HRH1: variants seen among roughly 807,000 people sequenced by gnomAD.
The protein encoded by HRH1 is histamine receptor H1.
HRH1 carries 6 observed loss-of-function variants against 10.3 expected under a neutral mutation model. The observed-to-expected ratio is 0.58, with a 90% CI of 0.32 to 1.15. HRH1 has a LOEUF of 1.15. Ranked by LOEUF, HRH1 falls within the 50% of genes most tolerant of loss-of-function variation. The pLI, the probability that HRH1 is intolerant of heterozygous loss-of-function variation, is 0.05. For synonymous variants in HRH1, 242 were observed against 236.7 expected, an observed-to-expected ratio of 1.02 and a Z score of -0.21; for missense variants, 514 against 615.3, an observed-to-expected ratio of 0.84 and a Z score of 1.74.
At chr3:11,238,087 C>A (rs1020480230) in intron 1 of HRH1, among the ~76,000 whole-genome samples, 2 of 151,670 alleles carry the variant, frequency 1.3e-5, no homozygotes, top group East Asian at 1.9e-4. Context: ...GTGATAATAT[C>A]CTTCAGTTTC....
At chr3:11,168,223 A>T (rs59992806) in intron 1 of HRH1, among the ~76,000 whole-genome samples, 42,587 of 152,024 alleles carry the variant, frequency 0.28, 8,225 homozygotes, top group African/African-American at 0.55. Context: ...CTAGAGTGGC[A>T]GGGCACAGTG....
intron 1 of HRH1, among the ~76,000 whole-genome samples, chr3:11,156,357 G>A (rs761927392): frequency 5.9e-5 from 9 of 152,124 alleles, no homozygotes; most frequent in Non-Finnish European, 1.3e-4. Flanking sequence ...GAGTGGTTTG[G>A]CCAATGCTGG....
At chr3:11,180,680 A>C (rs2125016727) in intron 1 of HRH1, among the ~76,000 whole-genome samples, 1 of 152,222 alleles carries the variant, frequency 6.6e-6, no homozygotes, top group Admixed American at 6.5e-5. Flanking sequence ...TGTTGTGGAC[A>C]TTTCATACAA....
At chr3:11,234,490 A>C (rs1939121268) in intron 1 of HRH1, 1 of 1,508,548 alleles carries the variant, frequency 6.6e-7, no homozygotes, top group Non-Finnish European at 9.2e-7. Context: ...ACTGTTCCCC[A>C]CAGGGGCCGC....
intron 1 of HRH1, among the ~76,000 whole-genome samples, chr3:11,250,034 CTTTTTT>C (rs71055856): frequency 1.6e-3 from 95 of 60,798 alleles, no homozygotes; most frequent in African/African-American, 5.5e-3. Flanking sequence ...AAGCTTTTCT[CTTTTTT>C]TTTTTTTTTT....
intron 1 of HRH1, among the ~76,000 whole-genome samples, chr3:11,163,016 T>C (rs1936955379): frequency 6.6e-6 from 1 of 152,174 alleles, no homozygotes; most frequent in South Asian, 2.1e-4. Flanking sequence ...TGGAGCATGC[T>C]TAGGGGGAAT....
At chr3:11,220,201 C>T (rs774129120) in intron 1 of HRH1, among the ~76,000 whole-genome samples, 4 of 152,122 alleles carry the variant, frequency 2.6e-5, no homozygotes, top group East Asian at 3.9e-4. Flanking sequence ...CCTAACACCA[C>T]GCCTGGCCTG....
chr3:11,217,793 G>A (rs1938564000), intron 1 of HRH1, among the ~76,000 whole-genome samples: 2 of 152,280 alleles, frequency 1.3e-5, no homozygotes, highest in Non-Finnish European at 1.5e-5. Flanking sequence ...AAGTATAACA[G>A]CTGCTAAGAT....
chr3:11,206,620 C>T (rs1003062420), intron 1 of HRH1, among the ~76,000 whole-genome samples: 3 of 152,250 alleles, frequency 2.0e-5, no homozygotes, highest in Non-Finnish European at 4.4e-5. Context: ...TAATTTCATC[C>T]TTACAGCAAT....
chr3:11,253,887 C>A (rs1939715432), intron 1 of HRH1, among the ~76,000 whole-genome samples: 1 of 152,074 alleles, frequency 6.6e-6, no homozygotes. Flanking sequence ...TCTGCCACTC[C>A]ATAAGGGTCA....
intron 1 of HRH1, among the ~76,000 whole-genome samples, chr3:11,255,487 C>T (rs552872512): frequency 1.3e-3 from 198 of 152,248 alleles, no homozygotes; most frequent in African/African-American, 4.5e-3. Context: ...GCCTTATGAA[C>T]CCCGAAAATC....
chr3:11,251,686 T>C (rs2152586528), intron 1 of HRH1, among the ~76,000 whole-genome samples: 1 of 152,358 alleles, frequency 6.6e-6, no homozygotes, highest in East Asian at 1.9e-4. Flanking sequence ...GCAGCAGGGT[T>C]AAGTGAATCA....
At chr3:11,144,479 A>AGACATACGTCTATAGGTGTCTATACC (rs1936382814) in intron 1 of HRH1, among the ~76,000 whole-genome samples, 1 of 143,206 alleles carries the variant, frequency 7.0e-6, no homozygotes, top group Non-Finnish European at 1.6e-5. Context: ...ATAGACATAT[A>AGACATACGTCTATAGGTGTCTATACC]TATACACACA....
At chr3:11,227,731 T>G (rs552199816) in intron 1 of HRH1, among the ~76,000 whole-genome samples, 7 of 152,330 alleles carry the variant, frequency 4.6e-5, no homozygotes, top group African/African-American at 1.7e-4. Context: ...GTTTCTTGAC[T>G]TGCCCACACC....
At chr3:11,248,168 T>C (rs1258068219) in intron 1 of HRH1, among the ~76,000 whole-genome samples, 1 of 152,224 alleles carries the variant, frequency 6.6e-6, no homozygotes, top group Non-Finnish European at 1.5e-5. Flanking sequence ...TAATATCACG[T>C]CAAGGGCTAT....
In HRH1 at chr3:11,261,287, T is replaced by A. The variant is rs201947277; in HGVS notation, c.*786T>A. ...AGAGAAATGAAATATTTTTGAATGGTTGCACGTTAAAAATTAAAAGAAGGA... is the reference window on the plus strand; with the variant it reads ...AGAGAAATGAAATATTTTTGAATGGATGCACGTTAAAAATTAAAAGAAGGA... On this transcript the variant is annotated 3_prime_UTR_variant, in exon 2 of 2. Transcript: ENST00000431010. 1 of 167,062 alleles carries A rather than the reference T, an allele frequency of 6.0e-6. No homozygotes were observed. The highest frequency in any genetic ancestry group is 2.1e-4 in the South Asian group (1 of 4,834). 10.3% of individuals were successfully genotyped at this position (167,062 alleles called of 1,614,324 possible).
intron 1 of HRH1, among the ~76,000 whole-genome samples, chr3:11,204,526 A>C (rs1271692758): frequency 6.6e-6 from 1 of 152,120 alleles, no homozygotes; most frequent in African/African-American, 2.4e-5. Flanking sequence ...AGAGCATGGA[A>C]GGGAGGATGA....
intron 1 of HRH1, among the ~76,000 whole-genome samples, chr3:11,185,183 G>A (rs1937432674): frequency 1.3e-5 from 2 of 152,276 alleles, no homozygotes; most frequent in South Asian, 2.1e-4. Flanking sequence ...AAAGTCTGGG[G>A]TAAGGCATCC....
chr3:11,148,419 G>A (rs1936511214), intron 1 of HRH1, among the ~76,000 whole-genome samples: 1 of 152,126 alleles, frequency 6.6e-6, no homozygotes, highest in Non-Finnish European at 1.5e-5. Flanking sequence ...ACATATGCAA[G>A]ATAGAAGTGT....
Sources: allele counts gnomAD v4.1 joint callset (sites outside exome capture counted in the v4.1 genomes callset), GRCh38; gene constraint gnomAD v4.1.1; transcripts MANE v1.5; gene names NCBI Gene and HGNC (gene_info 2026-07-23, HGNC 2026-07-21).